Variants in CCDC18 observed in about 807,000 individuals in gnomAD.
CCDC18 encodes the protein coiled-coil domain containing 18.
In CCDC18, 157 loss-of-function variants were observed where a neutral mutation model predicts 196.0. The ratio of observed to expected loss-of-function variants is 0.80; its 90% CI spans 0.70 to 0.91. The LOEUF is 0.91. CCDC18 is among the 40% of genes least tolerant of loss of function. CCDC18 has a pLI of 0.00. For missense variants in CCDC18, 1,465 were observed against 1,611.6 expected (o/e 0.91, Z 1.56); for synonymous variants, 482 against 529.2 (o/e 0.91, Z 1.22).
intron 9 of CCDC18, among the ~76,000 whole-genome samples, chr1:93,208,639 T>C (rs981922360): frequency 4.4e-4 from 66 of 150,720 alleles, no homozygotes; most frequent in African/African-American, 1.6e-3. Flanking sequence ...CAACTTTTCA[T>C]GTACTTATTA....
In CCDC18 at chr1:93,256,379, G is replaced by A. The variant is rs1662961263; in HGVS notation, c.3387G>A (p.Glu1129=). The change falls in exon 25 of 29, where the codon GAG becomes GAA. Residue 1129 remains glutamate (E), a synonymous_variant. Transcript: ENST00000690025. ...AGTACATTGCCACTCAGTACAAGGA[G>A]GCCATAGATTTGGGGCAAGAATTGA... ...QEQYIATQYK[E]AIDLGQELRL... The A allele has an allele frequency of 6.8e-6, 11 of 1,614,080 alleles. No individual in the cohort carries two copies. In the Middle Eastern group the frequency reaches 5.0e-4, roughly 73 times the overall value.
rs780447170 is a variant in CCDC18, at chr1:93,192,099, G to A, written c.562G>A (p.Val188Ile). The change falls in exon 5 of 29, where the codon GTT becomes ATT. Residue 188 changes from valine to isoleucine, a missense_variant. Val to Ile is a conservative substitution (Grantham distance 29). Transcript: ENST00000690025. ...LEAEVSAQDK[V>I]LREAENKLEQ... ...AGCAGAGGTTTCAGCTCAAGATAAA[G>A]TTTTGAGGTAAATATACTTTTTATA... is the stretch of plus-strand genomic sequence containing the variant. The A allele has an allele frequency of 1.9e-6, 3 of 1,597,204 alleles. No individual in the cohort carries two copies. The highest frequency in any genetic ancestry group is 2.6e-6 in the Non-Finnish European group (3 of 1,165,182).
intron 28 of CCDC18, among the ~76,000 whole-genome samples, chr1:93,276,897 G>C (rs1441494752): frequency 6.9e-6 from 1 of 145,550 alleles, no homozygotes; most frequent in Non-Finnish European, 1.5e-5. Context: ...AGGGGACCCG[G>C]GGAACCAGGG....
chr1:93,224,734 C>A (rs1557653177), intron 16 of CCDC18, among the ~76,000 whole-genome samples: 1 of 152,316 alleles, frequency 6.6e-6, no homozygotes, highest in East Asian at 1.9e-4. Context: ...CCTCAATAAC[C>A]TTATAATCAA....
At chr1:93,248,763 C>T (rs1452014722) in intron 23 of CCDC18, among the ~76,000 whole-genome samples, 1 of 152,000 alleles carries the variant, frequency 6.6e-6, no homozygotes, top group Non-Finnish European at 1.5e-5. Context: ...ATTGCCTGAG[C>T]TCAGTTCAAG....
intron 27 of CCDC18, among the ~76,000 whole-genome samples, chr1:93,268,588 AAAC>A (rs1037860669): frequency 2.0e-5 from 1 of 48,782 alleles, no homozygotes; most frequent in Non-Finnish European, 3.4e-5. Context: ...TACAAGAAAA[AAAC>A]AACCCCATCA....
chr1:93,252,015 G>GTCTA (rs201709476), intron 23 of CCDC18, among the ~76,000 whole-genome samples: 13,298 of 122,762 alleles, frequency 0.11, 827 homozygotes, highest in East Asian at 0.29. Context: ...CTATCTATCT[G>GTCTA]TCTGTCTATC....
At chr1:93,211,086 C>T (rs1655545787) in intron 10 of CCDC18, among the ~76,000 whole-genome samples, 160 bp downstream of exon 10, 1 of 151,816 alleles carries the variant, frequency 6.6e-6, no homozygotes, top group South Asian at 2.1e-4. Flanking sequence ...ACCAGCCTGA[C>T]CAACATGGTG....
At chr1:93,191,849 A>T in intron 4 of CCDC18, 151 bp from the exon 5 acceptor site, 1 of 572,404 alleles carries the variant, frequency 1.7e-6, no homozygotes, top group Non-Finnish European at 3.1e-6. Context: ...GCCCATGTAA[A>T]TGTTGATCAA....
At chr1:93,210,712 C>T in intron 9 of CCDC18, 90 bp from the exon 10 acceptor site, 1 of 871,428 alleles carries the variant, frequency 1.1e-6, no homozygotes, top group Non-Finnish European at 1.8e-6. Flanking sequence ...CCATTAAATT[C>T]ATACAGTTTT....
intron 21 of CCDC18, among the ~76,000 whole-genome samples, chr1:93,241,179 T>G (rs1439460347): frequency 2.0e-5 from 3 of 151,742 alleles, no homozygotes; most frequent in African/African-American, 4.8e-5. Flanking sequence ...GGTCTTGAAC[T>G]CCTGACCTCA....
intron 6 of CCDC18, among the ~76,000 whole-genome samples, chr1:93,194,682 A>G (rs1652412157): frequency 6.6e-6 from 1 of 151,774 alleles, no homozygotes; most frequent in Admixed American, 6.5e-5. Context: ...TTTGTGGTTA[A>G]ATACTCTAGA....
At chr1:93,193,844 A>C (rs1183464776) in intron 6 of CCDC18, 100 bp downstream of exon 6, 1 of 876,134 alleles carries the variant, frequency 1.1e-6, no homozygotes, top group East Asian at 3.3e-5. Context: ...AAAATTTCAG[A>C]GATTTGGCAA....
intron 6 of CCDC18, chr1:93,199,952 A>G (rs1214206711): frequency 6.6e-6 from 1 of 152,380 alleles, no homozygotes; most frequent in African/African-American, 2.4e-5. Flanking sequence ...TGGCTGCTGC[A>G]CTTTACAGAC....
chr1:93,272,778 A>AAGGGAG (rs1665385921), intron 28 of CCDC18, among the ~76,000 whole-genome samples: 1 of 152,226 alleles, frequency 6.6e-6, no homozygotes, highest in Admixed American at 6.5e-5. Flanking sequence ...ATGTGATGTC[A>AAGGGAG]AGGGAGAGTT....
chr1:93,194,716 A>G (rs867671993), intron 6 of CCDC18, among the ~76,000 whole-genome samples: 32 of 152,370 alleles, frequency 2.1e-4, no homozygotes, highest in African/African-American at 7.0e-4. Flanking sequence ...TTACTCAGAT[A>G]AGCTTTGCAC....
intron 18 of CCDC18, among the ~76,000 whole-genome samples, chr1:93,234,902 G>T: frequency 6.9e-6 from 1 of 145,918 alleles, no homozygotes. Context: ...TCCCACTTCT[G>T]CCTTCCAAGT....
At chr1:93,232,659 A>AT in intron 18 of CCDC18, 66 bp downstream of exon 18, 1 of 1,265,448 alleles carries the variant, frequency 7.9e-7, no homozygotes, top group Admixed American at 2.3e-5. Context: ...TCATGAATAG[A>AT]TTTTTCGTTA....
chr1:93,187,260 A>G (rs1650859602), intron 4 of CCDC18, among the ~76,000 whole-genome samples: 1 of 152,052 alleles, frequency 6.6e-6, no homozygotes, highest in Non-Finnish European at 1.5e-5. Context: ...TTTGACTTGT[A>G]TGGAGCATTA....
Sources: gnomAD v4.1 joint callset for allele counts (sites outside exome capture counted in the v4.1 genomes callset) on GRCh38, gnomAD v4.1.1 for gene constraint, MANE v1.5 for transcripts, NCBI Gene and HGNC (gene_info 2026-07-23, HGNC 2026-07-21) for gene names.